DISP1: variants seen among roughly 807,000 people sequenced by gnomAD.
The protein encoded by DISP1 is protein dispatched homolog 1.
In DISP1, 30 loss-of-function variants were observed where a neutral mutation model predicts 37.3. The ratio of observed to expected loss-of-function variants is 0.80; its 90% CI spans 0.60 to 1.09. The LOEUF is 1.09. Ranked by LOEUF, DISP1 falls within the 50% of genes least tolerant of loss-of-function variation. The probability of loss-of-function intolerance (pLI) is 0.00; values close to 1 mark genes in which losing one functional copy is unlikely to be tolerated. For synonymous variants in DISP1, 634 were observed against 690.2 expected (o/e 0.92, Z 1.28); for missense variants, 1,598 against 1,879.5 (o/e 0.85, Z 2.77).
chr1:222,966,833 T>C (rs1676530353), intron 3 of DISP1, among the ~76,000 whole-genome samples: 1 of 151,902 alleles, frequency 6.6e-6, no homozygotes, highest in Non-Finnish European at 1.5e-5. Context: ...CAGAATGGTT[T>C]AAAAGAATGA....
At chr1:222,902,528 TGG>T (rs1476028673) in intron 1 of DISP1, among the ~76,000 whole-genome samples, 2 of 151,890 alleles carry the variant, frequency 1.3e-5, no homozygotes, top group African/African-American at 4.8e-5. Context: ...ACCTACAAAA[TGG>T]GAGAAAATTT....
chr1:222,952,382 A>G (rs1675285230), intron 3 of DISP1, among the ~76,000 whole-genome samples: 1 of 152,226 alleles, frequency 6.6e-6, no homozygotes, highest in African/African-American at 2.4e-5. Context: ...AAAACAACTG[A>G]GATCCCTTTT....
chr1:222,969,230 C>T (rs181589764), intron 3 of DISP1, among the ~76,000 whole-genome samples: 26 of 151,392 alleles, frequency 1.7e-4, no homozygotes, highest in Non-Finnish European at 2.2e-4. Context: ...ATTAGCCAGG[C>T]GCAGTAGTGC....
chr1:222,995,220 G>T (rs1408870085), intron 8 of DISP1, among the ~76,000 whole-genome samples: 1 of 152,092 alleles, frequency 6.6e-6, no homozygotes, highest in African/African-American at 2.4e-5. Flanking sequence ...ATGATCTCTG[G>T]CTGTTGATGG....
At chr1:222,952,307 G>A (rs1675279842) in intron 3 of DISP1, among the ~76,000 whole-genome samples, 2 of 152,210 alleles carry the variant, frequency 1.3e-5, no homozygotes, top group South Asian at 4.1e-4. Flanking sequence ...GGACAGCACA[G>A]ATGGAAAACG....
At chr1:222,972,505 G>A (rs533242338) in intron 3 of DISP1, among the ~76,000 whole-genome samples, 1 of 152,006 alleles carries the variant, frequency 6.6e-6, no homozygotes, top group Non-Finnish European at 1.5e-5. Context: ...TCAATCTCTT[G>A]CTTCCCCTCA....
rs754468285 is a variant in DISP1, at chr1:223,005,235, T to A, written c.3838T>A (p.Leu1280Met). ...RCSCPDAYKHLNYGPHSCQQM... is the reference protein window; with the variant it reads ...RCSCPDAYKHMNYGPHSCQQM... ...TAGCTGCCCAGATGCCTACAAACAC[T>A]TGAACTATGGCCCACACTCTTGCCA... is the stretch of plus-strand genomic sequence containing the variant. The change falls in exon 9 of 9, where the codon TTG (leucine) becomes ATG (methionine). Residue 1280 changes from leucine to methionine, a missense_variant. Transcript: ENST00000675850. The A allele has an allele frequency of 1.3e-4, 202 of 1,613,916 alleles. No homozygotes were observed. The highest frequency in any genetic ancestry group is 1.7e-4 in the Non-Finnish European group (198 of 1,180,016).
intron 2 of DISP1, among the ~76,000 whole-genome samples, chr1:222,931,181 T>C (rs1042478453): frequency 2.6e-5 from 4 of 152,044 alleles, no homozygotes; most frequent in African/African-American, 9.7e-5. Context: ...TGGTGATTGA[T>C]CTCAGTTTTT....
At chr1:222,936,933 A>T (rs1673935348) in intron 2 of DISP1, among the ~76,000 whole-genome samples, 10 of 80,070 alleles carry the variant, frequency 1.2e-4, no homozygotes, top group African/African-American at 4.6e-4. Flanking sequence ...ATAATATGTA[A>T]TATATATTAT....
chr1:222,996,821 C>T (rs907921740), intron 8 of DISP1, among the ~76,000 whole-genome samples: 4 of 152,066 alleles, frequency 2.6e-5, no homozygotes, highest in Admixed American at 6.6e-5. Context: ...ATACCTCCCC[C>T]GTTTTGTTTC....
At chr1:222,954,013 C>T (rs149270660) in intron 3 of DISP1, among the ~76,000 whole-genome samples, 3 of 151,588 alleles carry the variant, frequency 2.0e-5, no homozygotes, top group East Asian at 3.9e-4. Context: ...TTTCCATATT[C>T]GTGCTAGTTA....
rs779116132 is a variant in DISP1 at position 223,005,000 on chromosome 1, C to A, written c.3603C>A (p.Ser1201Arg). 6.2e-7 allele frequency: 1 copy of A among 1,614,174 alleles called. No individual in the cohort carries two copies. Among genetic ancestry groups the A allele is most frequent in the Non-Finnish European group, 8.5e-7 (1 of 1,180,038 alleles). Residue 1201 changes from serine (S) to arginine (R), a missense_variant, in exon 9 of 9, where the codon AGC becomes AGA. By Grantham distance (110) the Ser-to-Arg change is moderately radical. Transcript: ENST00000675850. This position sits in a 1 kb window ranked among gnomAD's most constrained non-coding sequence, Gnocchi z 4.9. Reference sequence around the variant, plus strand: ...AATTAGAACCTCTGGCTTCCCACAGCTGCACTGCCCCTGAGAAGACCACTT... The same window carrying A: ...AATTAGAACCTCTGGCTTCCCACAGATGCACTGCCCCTGAGAAGACCACTT... Reference protein sequence around the residue: ...FYELEPLASHSCTAPEKTTYE... With the variant: ...FYELEPLASHRCTAPEKTTYE...
intron 1 of DISP1, among the ~76,000 whole-genome samples, chr1:222,902,043 C>G (rs1671616144): frequency 6.6e-6 from 1 of 152,038 alleles, no homozygotes; most frequent in South Asian, 2.1e-4. Context: ...TGATTCTTCT[C>G]TCTTTTCTTC....
chr1:222,970,306 T>G (rs1558059744), intron 3 of DISP1, among the ~76,000 whole-genome samples: 1 of 152,212 alleles, frequency 6.6e-6, no homozygotes, highest in Non-Finnish European at 1.5e-5. Flanking sequence ...CTGCTCTGTC[T>G]TCCTAGCAAG....
At chr1:222,938,005 C>T (rs1044599049) in intron 2 of DISP1, among the ~76,000 whole-genome samples, 53 of 151,992 alleles carry the variant, frequency 3.5e-4, no homozygotes, top group African/African-American at 1.2e-3. Context: ...TCCTGAGTAG[C>T]TGGGACTACA....
chr1:222,938,760 A>AAAGG (rs71564727), intron 2 of DISP1, among the ~76,000 whole-genome samples: 1,567 of 104,366 alleles, frequency 0.015, 23 homozygotes, highest in South Asian at 0.055. Flanking sequence ...AAAAAAAAAA[A>AAAGG]AAGGAAGGAA....
intron 2 of DISP1, among the ~76,000 whole-genome samples, chr1:222,929,128 A>G (rs1422701059): frequency 6.6e-6 from 1 of 152,180 alleles, no homozygotes; most frequent in Non-Finnish European, 1.5e-5. Context: ...ATCAGAGTTC[A>G]TTTCAGATAC....
intron 1 of DISP1, among the ~76,000 whole-genome samples, chr1:222,895,067 G>T (rs1023564644): frequency 6.6e-6 from 1 of 152,100 alleles, no homozygotes; most frequent in Non-Finnish European, 1.5e-5. Flanking sequence ...TTTCAGGATG[G>T]GTAGAAATAC....
intron 3 of DISP1, among the ~76,000 whole-genome samples, chr1:222,949,437 CATTTA>C (rs772970925): frequency 2.0e-5 from 3 of 151,944 alleles, no homozygotes; most frequent in Non-Finnish European, 4.4e-5. Flanking sequence ...GCAAGGATCA[CATTTA>C]ATATGTCTAT....
Sources: gnomAD v4.1 joint callset for allele counts (sites outside exome capture counted in the v4.1 genomes callset) on GRCh38, gnomAD v4.1.1 for gene constraint, Gnocchi (gnomAD v3.1) non-coding constraint, MANE v1.5 for transcripts, NCBI Gene and HGNC (gene_info 2026-07-23, HGNC 2026-07-21) for gene names.